The following JMJD1C variants were observed in gnomAD, a reference collection of about 807,000 sequenced individuals.
JMJD1C encodes jumonji domain-containing protein 1C.
JMJD1C carries 31 observed loss-of-function variants against 245.3 expected under a neutral mutation model. The observed-to-expected ratio is 0.13, with a 90% CI of 0.09 to 0.17. The LOEUF (loss-of-function observed/expected upper bound fraction) is 0.17, where lower values mean the gene tolerates loss of function less well. Ranked by LOEUF, JMJD1C falls within the 10% of genes least tolerant of loss-of-function variation. JMJD1C has a pLI of 1.00. For synonymous variants in JMJD1C, 1,057 were observed against 1,017.4 expected, an observed-to-expected ratio of 1.04 and a Z score of -0.74; for missense variants, 2,691 against 3,000.2, an observed-to-expected ratio of 0.90 and a Z score of 2.41.
intron 1 of JMJD1C, among the ~76,000 whole-genome samples, chr10:63,507,864 A>T (rs1002578027): frequency 2.6e-5 from 4 of 152,162 alleles, no homozygotes; most frequent in Admixed American, 1.3e-4. Flanking sequence ...GCCATCTACA[A>T]ATCTTCTTTG....
At chr10:63,213,296 C>A (rs916136880) in intron 8 of JMJD1C, among the ~76,000 whole-genome samples, 177 bp downstream of exon 8, 4 of 151,732 alleles carry the variant, frequency 2.6e-5, no homozygotes, top group African/African-American at 2.4e-5. Context: ...TATAAGTAGG[C>A]TTTTCTGACG....
At chr10:63,322,942 C>T (rs9415691) in intron 2 of JMJD1C, among the ~76,000 whole-genome samples, 2,234 of 148,558 alleles carry the variant, frequency 0.015, 49 homozygotes, top group African/African-American at 0.053. Context: ...GTTTACGTAT[C>T]TAGTCATAAA....
At chr10:63,367,723 G>A (rs887291333) in intron 2 of JMJD1C, among the ~76,000 whole-genome samples, 11 of 152,314 alleles carry the variant, frequency 7.2e-5, no homozygotes, top group African/African-American at 2.6e-4. Context: ...AAATAGTTAA[G>A]CATAGAGATG....
At chr10:63,168,686 A>C (rs1358402776) in intron 24 of JMJD1C, 120 bp from the exon 25 acceptor site, 13 of 847,296 alleles carry the variant, frequency 1.5e-5, no homozygotes, top group Middle Eastern at 2.9e-4. Flanking sequence ...CTTTCTCCAA[A>C]ACATCAAATG....
At chr10:63,400,910 C>T (rs1426994464) in intron 1 of JMJD1C, among the ~76,000 whole-genome samples, 1 of 151,844 alleles carries the variant, frequency 6.6e-6, no homozygotes, top group Non-Finnish European at 1.5e-5. Context: ...GGCAAAGTTT[C>T]ACTTTTGTCA....
intron 1 of JMJD1C, among the ~76,000 whole-genome samples, chr10:63,423,724 T>C (rs1485629721): frequency 3.3e-5 from 5 of 152,222 alleles, no homozygotes; most frequent in African/African-American, 1.2e-4. Context: ...GCCAAGCTGC[T>C]TTCAACAGTG....
At chr10:63,203,957 G>T in intron 10 of JMJD1C, 3 of 982,802 alleles carry the variant, frequency 3.1e-6, no homozygotes, top group Non-Finnish European at 3.6e-6. Context: ...TTAATATTTA[G>T]AAGTTCCCTG....
chr10:63,477,845 A>G lies in JMJD1C; in HGVS notation n.113+43893T>C, dbSNP rs150875500. On this transcript the variant is annotated intron_variant and non_coding_transcript_variant, in intron 1 of 3. Transcript: ENST00000633035. ...CAAAATGCATATCTGATAGAGGATT[A>G]ATATCTAGAATATTTAAAGAACTTT... Among the ~76,000 whole-genome samples, 166 of 152,306 alleles carry G rather than the reference A, an allele frequency of 1.1e-3. 1 individual carries two copies. Among genetic ancestry groups the G allele is most frequent in the African/African-American group, 3.7e-3 (152 of 41,574 alleles).
rs1564784776 is a variant in JMJD1C at position 63,321,896 on chromosome 10, T to C, written c.334-57132A>G. ...TTCCACACACCAGTTCAAAACAGCC[T>C]TTCTTCCACCAACCTAGGGGATTTC... On this transcript the variant is annotated intron_variant, in intron 2 of 25. Transcript: ENST00000399262. Among the ~76,000 whole-genome samples the C allele has an allele frequency of 2.0e-5, 3 of 152,204 alleles. 1 individual carries two copies. In the South Asian group the frequency reaches 6.2e-4, roughly 32 times the overall value.
At chr10:63,341,289 C>A (rs1377421904) in intron 2 of JMJD1C, among the ~76,000 whole-genome samples, 2 of 152,186 alleles carry the variant, frequency 1.3e-5, no homozygotes, top group Non-Finnish European at 2.9e-5. Flanking sequence ...ACAAATTTGC[C>A]AAGGTCATTG....
chr10:63,359,009 T>C (rs772290999), intron 2 of JMJD1C: 4 of 155,392 alleles, frequency 2.6e-5, no homozygotes, highest in Non-Finnish European at 5.8e-5. Flanking sequence ...TTTAAGAATA[T>C]TACTACCAGA....
chr10:63,337,609 AAAAGAAAAG>A (rs1177842962), intron 2 of JMJD1C, among the ~76,000 whole-genome samples: 1 of 97,510 alleles, frequency 1.0e-5, no homozygotes, highest in African/African-American at 6.2e-5. Context: ...AAAAGAAAAG[AAAAGAAAAG>A]AAAAGAAAAA....
At chr10:63,439,248 C>G (rs1278541047) in intron 1 of JMJD1C, among the ~76,000 whole-genome samples, 2 of 152,174 alleles carry the variant, frequency 1.3e-5, no homozygotes, top group Non-Finnish European at 2.9e-5. Flanking sequence ...TTTTAGACCT[C>G]AGTAGCTTTC....
chr10:63,248,530 A>ATAGATAGATAAAT (rs1852582854), intron 3 of JMJD1C, among the ~76,000 whole-genome samples: 1 of 22,098 alleles, frequency 4.5e-5, no homozygotes, highest in Admixed American at 5.8e-4. Flanking sequence ...CAATAGATAG[A>ATAGATAGATAAAT]TAAATAAATA....
chr10:63,175,910 C>T (rs760317859), intron 24 of JMJD1C, among the ~76,000 whole-genome samples: 4 of 152,092 alleles, frequency 2.6e-5, no homozygotes, highest in Non-Finnish European at 4.4e-5. Context: ...TAGACAGGCC[C>T]CTGATATGCT....
intron 2 of JMJD1C, among the ~76,000 whole-genome samples, chr10:63,341,789 C>A (rs964478514): frequency 1.3e-5 from 2 of 152,198 alleles, no homozygotes; most frequent in Non-Finnish European, 2.9e-5. Flanking sequence ...ATCTTTAGAT[C>A]AATAACGAGT....
At chr10:63,423,961 C>T (rs1357024603) in intron 1 of JMJD1C, among the ~76,000 whole-genome samples, 1 of 152,114 alleles carries the variant, frequency 6.6e-6, no homozygotes, top group African/African-American at 2.4e-5. Flanking sequence ...TCTATTCAAG[C>T]CCTTTTCCCA....
At chr10:63,195,347 C>T (rs1845336202) in intron 13 of JMJD1C, among the ~76,000 whole-genome samples, 2 of 129,166 alleles carry the variant, frequency 1.5e-5, no homozygotes, top group Admixed American at 1.5e-4. Flanking sequence ...GAGCAAGACA[C>T]CATCTCAAAA....
chr10:63,207,824 A>C lies in JMJD1C; in HGVS notation c.3845T>G (p.Leu1282Arg). The C allele has an allele frequency of 6.2e-7, 1 of 1,614,070 alleles. No homozygotes were observed. The highest frequency in any genetic ancestry group is 8.5e-7 in the Non-Finnish European group (1 of 1,180,002). Residue 1282 changes from leucine to arginine, a missense_variant, in exon 10 of 26, where the codon CTC (leucine) becomes CGC (arginine). By Grantham distance (102) the Leu-to-Arg change is moderately radical. Transcript: ENST00000399262. ...ATGCCATTCAGTTTTCTCTTTGCTGAGGTTATTATTAGGTCTCCACATCTC... is the reference window on the plus strand; with the variant it reads ...ATGCCATTCAGTTTTCTCTTTGCTGCGGTTATTATTAGGTCTCCACATCTC... ...LTEMWRPNNN[L>R]SKEKTEWHVE...
Sources: gnomAD v4.1 joint callset for allele counts (sites outside exome capture counted in the v4.1 genomes callset) on GRCh38, gnomAD v4.1.1 for gene constraint, MANE v1.5 for transcripts, NCBI Gene and HGNC (gene_info 2026-07-23, HGNC 2026-07-21) for gene names.